SPOPL: variants seen among roughly 807,000 people sequenced by gnomAD.
SPOPL encodes speckle-type POZ protein-like.
SPOPL carries 23 observed loss-of-function variants against 53.8 expected under a neutral mutation model. That is an observed-to-expected ratio of 0.43 (90% confidence interval 0.31 to 0.61). SPOPL has a LOEUF of 0.61. Among genes scored for constraint, SPOPL ranks in the 20% least tolerant of loss-of-function variants. The probability of loss-of-function intolerance (pLI) is 0.12; values close to 1 mark genes in which losing one functional copy is unlikely to be tolerated. For synonymous variants in SPOPL, 164 were observed against 149.7 expected, an observed-to-expected ratio of 1.10 and a Z score of -0.70; for missense variants, 442 against 466.9, an observed-to-expected ratio of 0.95 and a Z score of 0.49.
chr2:138,550,071 G>T (rs1212735894), intron 1 of SPOPL, 86 bp from the exon 2 acceptor site: 8 of 602,944 alleles, frequency 1.3e-5, no homozygotes, highest in Non-Finnish European at 1.7e-5. Flanking sequence ...GATAGTAATT[G>T]TTTCATGTCT....
intron 1 of SPOPL, among the ~76,000 whole-genome samples, chr2:138,510,120 C>T (rs1463926116): frequency 6.6e-6 from 1 of 152,124 alleles, no homozygotes; most frequent in Non-Finnish European, 1.5e-5. Context: ...ATCCATTGAC[C>T]TACTAAAGGA....
Position 138,552,577 on chromosome 2 carries a change from G to A in SPOPL, c.376G>A (p.Val126Met), listed in dbSNP as rs2104893716. The A allele has an allele frequency of 2.5e-6, 4 of 1,612,582 alleles. No individual in the cohort carries two copies. Among genetic ancestry groups the A allele is most frequent in the Non-Finnish European group, 3.4e-6 (4 of 1,179,134 alleles). Reference protein sequence around the residue: ...AMESQRAYRFVQGKDWGFKKF... With the variant: ...AMESQRAYRFMQGKDWGFKKF... ...AGAAAGCCAAAGAGCATATCGATTTGTGCAAGGGAAGGACTGGGGTTTTAA... is the reference window on the plus strand; with the variant it reads ...AGAAAGCCAAAGAGCATATCGATTTATGCAAGGGAAGGACTGGGGTTTTAA... Residue 126 changes from valine (V) to methionine (M), a missense_variant, in exon 5 of 11, where the codon GTG becomes ATG. Coordinates refer to ENST00000280098, the MANE Select transcript of SPOPL (RefSeq NM_001001664.3).
At chr2:138,502,577 C>T (rs2104848900) in intron 1 of SPOPL, among the ~76,000 whole-genome samples, 1 of 152,318 alleles carries the variant, frequency 6.6e-6, no homozygotes, top group East Asian at 1.9e-4. Flanking sequence ...ACACTTGAAA[C>T]TCTCGTCCCT....
chr2:138,529,468 G>A (rs930795990), intron 1 of SPOPL, among the ~76,000 whole-genome samples: 49 of 151,382 alleles, frequency 3.2e-4, no homozygotes, highest in African/African-American at 1.2e-3. Context: ...AACTGTTTGT[G>A]TAGGTATGTG....
chr2:138,518,949 T>C (rs897431616), intron 1 of SPOPL, among the ~76,000 whole-genome samples: 8 of 152,270 alleles, frequency 5.3e-5, no homozygotes, highest in Non-Finnish European at 7.3e-5. Context: ...GAATAATTTA[T>C]TGAGTGCTTT....
intron 1 of SPOPL, among the ~76,000 whole-genome samples, chr2:138,525,484 T>C (rs997616576): frequency 1.1e-4 from 16 of 152,084 alleles, no homozygotes; most frequent in African/African-American, 3.1e-4. Context: ...TACTGTGTTA[T>C]ATACTGCTTT....
In SPOPL at chr2:138,560,837, A is replaced by C; in HGVS notation, c.747A>C (p.Glu249Asp). The C allele has an allele frequency of 6.2e-7, 1 of 1,607,908 alleles. No individual in the cohort carries two copies. Among genetic ancestry groups the C allele is most frequent in the Non-Finnish European group, 8.5e-7 (1 of 1,178,508 alleles). ...NRVEINDLDP[E>D]VFKEMMRFIY... ...TGGAAATAAATGATTTAGACCCTGA[A>C]GTTTTTAAAGAAATGATGAGATTCA... is the stretch of plus-strand genomic sequence containing the variant. The change falls in exon 8 of 11, where the codon GAA (glutamate) becomes GAC (aspartate). Residue 249 changes from glutamate (E) to aspartate (D), a missense_variant. By Grantham distance (45) the Glu-to-Asp change is conservative (BLOSUM62 2). Coordinates refer to ENST00000280098, the MANE Select transcript of SPOPL (RefSeq NM_001001664.3).
intron 1 of SPOPL, among the ~76,000 whole-genome samples, chr2:138,538,195 TTGA>T (rs1419582162): frequency 6.6e-6 from 1 of 152,180 alleles, no homozygotes; most frequent in Non-Finnish European, 1.5e-5. Flanking sequence ...TGTTCCACTG[TTGA>T]TGAGTGAAAT....
intron 1 of SPOPL, among the ~76,000 whole-genome samples, chr2:138,536,188 GT>G (rs2104877940): frequency 6.6e-6 from 1 of 152,082 alleles, no homozygotes; most frequent in East Asian, 1.9e-4. Context: ...CATACTTTCT[GT>G]TTTTTCATGC....
intron 1 of SPOPL, among the ~76,000 whole-genome samples, chr2:138,522,578 A>G (rs1684582196): frequency 2.0e-5 from 3 of 152,096 alleles, no homozygotes; most frequent in South Asian, 4.1e-4. Flanking sequence ...ATATATAACT[A>G]AGAAGAAGGA....
intron 1 of SPOPL, among the ~76,000 whole-genome samples, chr2:138,540,009 TC>T (rs1685032465): frequency 6.6e-6 from 1 of 152,226 alleles, no homozygotes; most frequent in Admixed American, 6.5e-5. Flanking sequence ...GGGAATCCTG[TC>T]CCCATTTCTT....
chr2:138,523,567 TGA>T (rs1684604109), intron 1 of SPOPL, among the ~76,000 whole-genome samples: 1 of 152,152 alleles, frequency 6.6e-6, no homozygotes, highest in South Asian at 2.1e-4. Context: ...CTTCCACCTG[TGA>T]GCCTGTAAAA....
At chr2:138,513,043 G>A (rs1421154350) in intron 1 of SPOPL, among the ~76,000 whole-genome samples, 1 of 152,210 alleles carries the variant, frequency 6.6e-6, no homozygotes, top group East Asian at 1.9e-4. Flanking sequence ...ATCAAAGGGA[G>A]GTGACAGTCT....
At chr2:138,551,604 A>G (rs1490659098) in intron 4 of SPOPL, among the ~76,000 whole-genome samples, 1 of 152,082 alleles carries the variant, frequency 6.6e-6, no homozygotes, top group Non-Finnish European at 1.5e-5. Flanking sequence ...AGAGTGATGT[A>G]GGAAATGTAC....
intron 1 of SPOPL, among the ~76,000 whole-genome samples, chr2:138,544,872 G>A (rs1335582195): frequency 6.6e-6 from 1 of 152,148 alleles, no homozygotes; most frequent in African/African-American, 2.4e-5. Flanking sequence ...AGCCATCTTG[G>A]CTCCACCCCC....
intron 8 of SPOPL, 64 bp downstream of exon 8, chr2:138,560,991 C>A: frequency 6.5e-7 from 1 of 1,547,052 alleles, no homozygotes; most frequent in South Asian, 1.2e-5. Flanking sequence ...AGAAAGCTGT[C>A]ATCAAATGAA....
intron 1 of SPOPL, among the ~76,000 whole-genome samples, chr2:138,520,054 T>C (rs142671773): frequency 1.1e-3 from 173 of 152,300 alleles, no homozygotes; most frequent in African/African-American, 4.0e-3. Context: ...TAAGGTTAAA[T>C]TATCTGTCAC....
chr2:138,508,871 T>A (rs564709237), intron 1 of SPOPL, among the ~76,000 whole-genome samples: 7 of 152,312 alleles, frequency 4.6e-5, no homozygotes, highest in African/African-American at 1.7e-4. Flanking sequence ...AACAACTGTG[T>A]GCTTTTCATG....
intron 1 of SPOPL, among the ~76,000 whole-genome samples, chr2:138,529,967 C>T (rs192565896): frequency 6.6e-6 from 1 of 152,280 alleles, no homozygotes; most frequent in Admixed American, 6.5e-5. Flanking sequence ...TCCTCTCCCT[C>T]CTCCCACGCT....
Sources: gnomAD v4.1 joint callset for allele counts (sites outside exome capture counted in the v4.1 genomes callset) on GRCh38, gnomAD v4.1.1 for gene constraint, MANE v1.5 for transcripts, NCBI Gene and HGNC (gene_info 2026-07-23, HGNC 2026-07-21) for gene names.